The following ASTN1 variants were observed in gnomAD, a reference collection of about 807,000 sequenced individuals.
ASTN1 encodes astrotactin-1.
ASTN1 carries 41 observed loss-of-function variants against 140.7 expected under a neutral mutation model. The observed-to-expected ratio is 0.29, with a 90% CI of 0.23 to 0.38. The LOEUF (loss-of-function observed/expected upper bound fraction) is 0.38. Ranked by LOEUF, ASTN1 falls within the 10% of genes least tolerant of loss-of-function variation. ASTN1 has a pLI of 1.00. For synonymous variants in ASTN1, 640 were observed against 652.2 expected (o/e 0.98, Z 0.29); for missense variants, 1,479 against 1,678.8 (o/e 0.88, Z 2.08).
At chr1:176,876,160 ATAATCTTT>A (rs1553219270) in intron 21 of ASTN1, among the ~76,000 whole-genome samples, 1 of 152,240 alleles carries the variant, frequency 6.6e-6, no homozygotes, top group Non-Finnish European at 1.5e-5. Context: ...TTAATTCAAA[ATAATCTTT>A]CAGATGTACA....
intron 22 of ASTN1, 140 bp downstream of exon 22, chr1:176,868,704 T>C (rs1668222429): frequency 3.4e-6 from 3 of 892,402 alleles, no homozygotes; most frequent in Non-Finnish European, 4.9e-6. Context: ...GACTGAACTG[T>C]CTTAAATCAG....
chr1:176,862,798 G>A lies in ASTN1; in HGVS notation c.*1486C>T, dbSNP rs1254291747. 1.0e-6 allele frequency: 1 copy of A among 984,034 alleles called. No homozygotes were observed. Among genetic ancestry groups the A allele is most frequent in the Non-Finnish European group, 1.2e-6 (1 of 828,674 alleles). The allele number at this position is 984,034 out of a possible 1,614,324, so 61.0% of individuals were successfully genotyped here. ...TACATCAGCGCCTGGCATACAGCAA[G>A]CACTCAATAAATGTTATCTGTCACT... On this transcript the variant is annotated 3_prime_UTR_variant, in exon 23 of 23. Coordinates refer to ENST00000361833, the MANE Select transcript of ASTN1 (RefSeq NM_004319.3).
chr1:177,100,977 C>T (rs905093859), intron 1 of ASTN1, among the ~76,000 whole-genome samples: 3 of 152,106 alleles, frequency 2.0e-5, no homozygotes, highest in African/African-American at 7.2e-5. Flanking sequence ...CCTGTAATCC[C>T]CTCTACTGGG....
intron 8 of ASTN1, among the ~76,000 whole-genome samples, chr1:176,982,250 C>T (rs1408329477): frequency 1.3e-5 from 2 of 152,180 alleles, no homozygotes; most frequent in African/African-American, 4.8e-5. Context: ...GACAGAGAAT[C>T]AGATTCCAAA....
At chr1:176,889,296 G>T (rs549374527) in intron 17 of ASTN1, among the ~76,000 whole-genome samples, 5 of 152,202 alleles carry the variant, frequency 3.3e-5, no homozygotes, top group Non-Finnish European at 7.3e-5. Context: ...GAGCATGGCT[G>T]GTCCAAGCTA....
At chr1:177,060,988 T>A (rs763853452) in intron 2 of ASTN1, 90 bp downstream of exon 2, 24 of 1,248,594 alleles carry the variant, frequency 1.9e-5, no homozygotes, top group Non-Finnish European at 2.3e-5. Flanking sequence ...CAGAGTTAGG[T>A]CTGATAGAGT....
chr1:176,911,071 C>T (rs1281133768), intron 16 of ASTN1, among the ~76,000 whole-genome samples: 1 of 152,202 alleles, frequency 6.6e-6, no homozygotes, highest in East Asian at 1.9e-4. Context: ...ACCTGTACAA[C>T]ATGCTACTGT....
chr1:176,961,765 G>C (rs1204203423), intron 9 of ASTN1, among the ~76,000 whole-genome samples: 1 of 152,112 alleles, frequency 6.6e-6, no homozygotes, highest in East Asian at 1.9e-4. Flanking sequence ...AATCTCATCT[G>C]TCCCTCATTC....
chr1:177,131,075 T>C (rs970332512), intron 1 of ASTN1, among the ~76,000 whole-genome samples: 6 of 152,214 alleles, frequency 3.9e-5, no homozygotes, highest in African/African-American at 1.4e-4. Context: ...CCCAGATGGA[T>C]GGAGCTGCCC....
intron 2 of ASTN1, among the ~76,000 whole-genome samples, chr1:177,039,732 T>C (rs1571693182): frequency 6.6e-6 from 1 of 152,324 alleles, no homozygotes; most frequent in East Asian, 1.9e-4. Context: ...TTGTAAGAAA[T>C]GCATGACTCT....
At chr1:176,894,880 A>G (rs1222899495) in intron 16 of ASTN1, 50 bp from the exon 17 acceptor site, 1 of 1,604,232 alleles carries the variant, frequency 6.2e-7, no homozygotes, top group South Asian at 1.1e-5. Flanking sequence ...AAAAGTAAGG[A>G]CTATCATGAC....
chr1:177,164,614 G>A lies in ASTN1; in HGVS notation c.63C>T (p.Ala21=), dbSNP rs748507874. 4 of 1,610,230 alleles carry A rather than the reference G, an allele frequency of 2.5e-6. No homozygotes were observed. Among genetic ancestry groups the A allele is most frequent in the Admixed American group, 3.4e-5 (2 of 59,612 alleles). ...ACCWGPAAVL[A]TAAGDVDPSK... ...ATGGATCCACGTCGCCGGCGGCCGT[G>A]GCCAGCACCGCCGCCGGCCCCCAGC... The change falls in exon 1 of 23, where the codon GCC becomes GCT. Residue 21 remains alanine (A), a synonymous_variant. Coordinates refer to ENST00000361833, the MANE Select transcript of ASTN1 (RefSeq NM_004319.3).
chr1:176,908,127 T>C (rs1186076070), intron 16 of ASTN1, among the ~76,000 whole-genome samples: 1 of 99,332 alleles, frequency 1.0e-5, no homozygotes. Context: ...CTAACTCTCT[T>C]ATGCAACACA....
intron 19 of ASTN1, among the ~76,000 whole-genome samples, chr1:176,883,553 C>G (rs534820173): frequency 1.7e-4 from 26 of 152,168 alleles, no homozygotes; most frequent in Non-Finnish European, 3.4e-4. Context: ...GGTCAGTGGT[C>G]CCTGCCGTAC....
At chr1:176,874,780 T>C (rs1466866970) in intron 21 of ASTN1, among the ~76,000 whole-genome samples, 2 of 152,138 alleles carry the variant, frequency 1.3e-5, no homozygotes, top group African/African-American at 2.4e-5. Context: ...TAGAACTTCA[T>C]TAGCTAGGGT....
chr1:176,952,999 C>T (rs1213749213), intron 11 of ASTN1, among the ~76,000 whole-genome samples: 1 of 152,204 alleles, frequency 6.6e-6, no homozygotes, highest in African/African-American at 2.4e-5. Context: ...CAAATGAGCT[C>T]ATATTTCAGT....
rs756525416 is a variant in ASTN1 at position 176,946,092 on chromosome 1, C to T, written c.2083G>A (p.Asp695Asn). Reference protein sequence around the residue: ...GCIEDYKLGVDGRSCQLITET... With the variant: ...GCIEDYKLGVNGRSCQLITET... Reference sequence around the variant, plus strand: ...GTGATGAGTTGGCAAGAGCGTCCATCCACACCAAGCTTGTAGTCCTCGATG... The same window carrying T: ...GTGATGAGTTGGCAAGAGCGTCCATTCACACCAAGCTTGTAGTCCTCGATG... Residue 695 changes from aspartate to asparagine, a missense_variant, in exon 13 of 23, where the codon GAT becomes AAT. This residue lies in a region of ASTN1 where 746 missense variants were observed against 800.9 expected (regional missense o/e 0.93). Transcript: ENST00000361833. 5 of 1,613,192 alleles carry T rather than the reference C, an allele frequency of 3.1e-6. No homozygotes were observed. Among genetic ancestry groups the T allele is most frequent in the Non-Finnish European group, 4.2e-6 (5 of 1,179,368 alleles).
chr1:176,944,391 C>G (rs1282907916), intron 13 of ASTN1, among the ~76,000 whole-genome samples: 2 of 152,164 alleles, frequency 1.3e-5, no homozygotes, highest in Non-Finnish European at 2.9e-5. Flanking sequence ...TCCCAGGTAA[C>G]TGAAACTACA....
intron 1 of ASTN1, among the ~76,000 whole-genome samples, chr1:177,066,934 T>C (rs1678388561): frequency 6.6e-6 from 1 of 152,104 alleles, no homozygotes; most frequent in Admixed American, 6.6e-5. Flanking sequence ...AAGTAGTCAA[T>C]TTTTAGCCTC....
Sources: gnomAD v4.1 joint callset for allele counts (sites outside exome capture counted in the v4.1 genomes callset) on GRCh38, gnomAD v4.1.1 for gene constraint, gnomAD v4.1.1 regional missense constraint, MANE v1.5 for transcripts, NCBI Gene and HGNC (gene_info 2026-07-23, HGNC 2026-07-21) for gene names.